RB1CC1: variants seen among roughly 807,000 people sequenced by gnomAD.
RB1CC1 encodes the protein RB1 inducible coiled-coil 1, also known as RB1-inducible coiled-coil protein 1.
RB1CC1 carries 46 observed loss-of-function variants against 177.5 expected under a neutral mutation model. That is an observed-to-expected ratio of 0.26 (90% confidence interval 0.20 to 0.33). RB1CC1 has a LOEUF of 0.33. Ranked by LOEUF, RB1CC1 falls within the 10% of genes least tolerant of loss-of-function variation. RB1CC1 has a pLI of 1.00. For synonymous variants in RB1CC1, 666 were observed against 613.6 expected (o/e 1.09, Z -1.26); for missense variants, 1,703 against 1,816.3 (o/e 0.94, Z 1.13).
chr8:52,678,144 T>C (rs1421278357), intron 5 of RB1CC1, among the ~76,000 whole-genome samples: 1 of 152,074 alleles, frequency 6.6e-6, no homozygotes, highest in African/African-American at 2.4e-5. Context: ...ATGGGCCGGG[T>C]GCAGTGGCTC....
chr8:52,643,989 C>T (rs1485739779), intron 16 of RB1CC1, among the ~76,000 whole-genome samples: 1 of 151,794 alleles, frequency 6.6e-6, no homozygotes, highest in Non-Finnish European at 1.5e-5. Context: ...GAAGATCTCT[C>T]AAAAAGAAAC....
intron 18 of RB1CC1, among the ~76,000 whole-genome samples, chr8:52,637,142 T>C (rs776819518): frequency 1.3e-5 from 2 of 152,194 alleles, no homozygotes; most frequent in Non-Finnish European, 2.9e-5. Flanking sequence ...AAGAATTGTG[T>C]TGAACTGGCA....
chr8:52,678,371 C>T (rs35100727), intron 5 of RB1CC1, among the ~76,000 whole-genome samples: 1 of 152,184 alleles, frequency 6.6e-6, no homozygotes, highest in African/African-American at 2.4e-5. Context: ...GAGCCAAGAT[C>T]GCACAACTGA....
chr8:52,628,258 C>T (rs1848532381), intron 21 of RB1CC1, 90 bp from the exon 22 acceptor site: 2 of 1,219,748 alleles, frequency 1.6e-6, no homozygotes, highest in East Asian at 2.5e-5. Flanking sequence ...TGCTCAACTA[C>T]ATATTAAGAT....
At chr8:52,691,693 C>T (rs1473332025) in intron 1 of RB1CC1, among the ~76,000 whole-genome samples, 2 of 152,076 alleles carry the variant, frequency 1.3e-5, no homozygotes, top group African/African-American at 4.8e-5. Flanking sequence ...AATCAGAAGC[C>T]TCTTCTAAAT....
At position 52,656,807 on chromosome 8, in the gene RB1CC1, T is replaced by C; in HGVS notation, c.3022A>G (p.Thr1008Ala). Residue 1008 changes from threonine (T) to alanine (A), a missense_variant, in exon 15 of 24, where the codon ACA becomes GCA. This residue lies in a region of RB1CC1 where 1,169 missense variants were observed against 1,184.7 expected (regional missense o/e 0.99). Coordinates refer to ENST00000025008, the MANE Select transcript of RB1CC1 (RefSeq NM_014781.5). ...RHIQEFEKVMTDHRVSLEELK... is the reference protein window; with the variant it reads ...RHIQEFEKVMADHRVSLEELK... Reference sequence around the variant, plus strand: ...TCCTCCAAAGAAACTCTGTGGTCTGTCATAACCTTCTCAAACTCTTGTATG... The same window carrying C: ...TCCTCCAAAGAAACTCTGTGGTCTGCCATAACCTTCTCAAACTCTTGTATG... 6.2e-7 allele frequency: 1 copy of C among 1,613,908 alleles called. No individual in the cohort carries two copies. Among genetic ancestry groups the C allele is most frequent in the Non-Finnish European group, 8.5e-7 (1 of 1,179,968 alleles).
intron 1 of RB1CC1, among the ~76,000 whole-genome samples, chr8:52,693,063 C>A (rs1301098003): frequency 6.6e-6 from 1 of 152,160 alleles, no homozygotes; most frequent in African/African-American, 2.4e-5. Flanking sequence ...GGAGTCTTGG[C>A]TAGCCATATG....
At chr8:52,694,638 G>C (rs1367757434) in intron 1 of RB1CC1, among the ~76,000 whole-genome samples, 1 of 152,192 alleles carries the variant, frequency 6.6e-6, no homozygotes, top group Non-Finnish European at 1.5e-5. Flanking sequence ...AGTGAGAGCT[G>C]CACATACTTT....
At position 52,623,950 on chromosome 8, in the gene RB1CC1, GAAAC is replaced by G. The variant is rs1370402066; in HGVS notation, c.4708-95_4708-92del. 1.2e-5 allele frequency: 10 copies of G among 822,546 alleles called. No individual in the cohort carries two copies. The African/African-American group carries it at 1.6e-4, about 13-fold the overall frequency. 51.0% of individuals were successfully genotyped at this position (822,546 alleles called of 1,614,324 possible). A position where few individuals can be genotyped will look rare whatever the true frequency, so the allele number is the denominator to read the frequency against. ...CACACACACACCCAAAAAACAAAAA[GAAAC>G]AAAAAAATAAATAAACCACATCACA... On this transcript the variant is annotated intron_variant, in intron 23 of 23. Transcript: ENST00000025008.
Position 52,642,712 on chromosome 8 carries a change from C to T in RB1CC1, c.4088G>A (p.Arg1363Gln), listed in dbSNP as rs765476878. ...TACAAAACAGTACAAACCTTTATCCCGTTCTTGTTGCTGCATTGTACTTTT... is the reference window on the plus strand; with the variant it reads ...TACAAAACAGTACAAACCTTTATCCTGTTCTTGTTGCTGCATTGTACTTTT... ...KLKSTMQQQE[R>Q]DKDLIESLSE... The change falls in exon 17 of 24, where the codon CGG (arginine) becomes CAG (glutamine). Residue 1363 changes from arginine (R) to glutamine (Q), a missense_variant. Arg to Gln is a conservative substitution (Grantham distance 43, BLOSUM62 1). This residue lies in a region of RB1CC1 where 1,169 missense variants were observed against 1,184.7 expected (regional missense o/e 0.99). Transcript: ENST00000025008. 1.4e-5 allele frequency: 22 copies of T among 1,576,160 alleles called. No homozygotes were observed. The highest frequency in any genetic ancestry group is 2.2e-5 in the East Asian group (1 of 44,680).
chr8:52,648,795 G>T (rs1850292826), intron 15 of RB1CC1, among the ~76,000 whole-genome samples: 1 of 152,142 alleles, frequency 6.6e-6, no homozygotes, highest in Non-Finnish European at 1.5e-5. Flanking sequence ...CTCAGCATTT[G>T]ATTTTTTTTC....
chr8:52,700,097 A>G (rs966483659), intron 1 of RB1CC1, among the ~76,000 whole-genome samples: 1 of 151,990 alleles, frequency 6.6e-6, no homozygotes, highest in African/African-American at 2.4e-5. Context: ...CATGCTACAC[A>G]AAAAACTTTA....
At chr8:52,678,842 G>C (rs931782547) in intron 5 of RB1CC1, among the ~76,000 whole-genome samples, 1 of 152,216 alleles carries the variant, frequency 6.6e-6, no homozygotes, top group Non-Finnish European at 1.5e-5. Flanking sequence ...ATCTGGCCTT[G>C]AAGAAATGAC....
rs141242332 is a variant in RB1CC1, at chr8:52,643,596, G to C, written c.3988-784C>G. Among the ~76,000 whole-genome samples, 24 of 151,716 alleles carry C rather than the reference G, an allele frequency of 1.6e-4. 1 individual carries two copies. The East Asian group carries it at 4.5e-3, about 28-fold the overall frequency. ...CCCAGCCATTCGGGAGGCTAAGGAG[G>C]GAGGACTGCTTGAGCCCAGGAGTTC... On this transcript the variant is annotated intron_variant, in intron 16 of 23. Coordinates refer to ENST00000025008, the MANE Select transcript of RB1CC1 (RefSeq NM_014781.5).
At chr8:52,634,512 C>T (rs866604915) in intron 20 of RB1CC1, among the ~76,000 whole-genome samples, 1 of 151,368 alleles carries the variant, frequency 6.6e-6, no homozygotes, top group South Asian at 2.1e-4. Context: ...CAGAGCAAGA[C>T]TGTCTTAAAA....
At chr8:52,668,634 T>G (rs1852283343) in intron 7 of RB1CC1, among the ~76,000 whole-genome samples, 2 of 152,178 alleles carry the variant, frequency 1.3e-5, no homozygotes, top group South Asian at 4.1e-4. Context: ...ATCGGCTTGC[T>G]CAATTATGCT....
intron 1 of RB1CC1, among the ~76,000 whole-genome samples, chr8:52,695,620 T>C (rs1444999827): frequency 1.3e-5 from 2 of 152,220 alleles, no homozygotes; most frequent in Non-Finnish European, 2.9e-5. Flanking sequence ...ATAAAAACTC[T>C]GGACACCAAA....
chr8:52,693,791 G>A lies in RB1CC1; in HGVS notation c.-166-6824C>T, dbSNP rs547121184. Among the ~76,000 whole-genome samples, 5 of 152,220 alleles carry A rather than the reference G, an allele frequency of 3.3e-5. No individual in the cohort carries two copies. The East Asian group carries it at 9.7e-4, about 29-fold the overall frequency. The stretch of plus-strand genomic sequence containing the variant: ...TGGGGCCTGTCAGAGGGTGAAGGGT[G>A]GGAGGAGGGACAGCATCAGGAAGAA... On this transcript the variant is annotated intron_variant, in intron 1 of 23. Transcript: ENST00000025008.
intron 13 of RB1CC1, among the ~76,000 whole-genome samples, chr8:52,658,521 G>A (rs1440707475): frequency 7.1e-6 from 1 of 141,824 alleles, no homozygotes; most frequent in Non-Finnish European, 1.5e-5. Context: ...AGGTTGCAGT[G>A]AGCCAGTATC....
Sources: gnomAD v4.1 joint callset for allele counts (sites outside exome capture counted in the v4.1 genomes callset) on GRCh38, gnomAD v4.1.1 for gene constraint, gnomAD v4.1.1 regional missense constraint, MANE v1.5 for transcripts, NCBI Gene and HGNC (gene_info 2026-07-23, HGNC 2026-07-21) for gene names.